Variants in CORO7 observed in about 807,000 individuals in gnomAD.
CORO7 encodes coronin-7.
A neutral mutation model predicts 126.6 loss-of-function variants in CORO7; 107 were observed. The observed-to-expected ratio is 0.85, with a 90% CI of 0.72 to 0.99. The LOEUF is 0.99. CORO7 is among the 50% of genes least tolerant of loss of function. CORO7 has a pLI of 0.00. For missense variants in CORO7, 1,314 were observed against 1,255.8 expected (o/e 1.05, Z -0.70); for synonymous variants, 603 against 536.8 (o/e 1.12, Z -1.70).
chr16:4,359,549 C>G lies in CORO7; in HGVS notation c.2181G>C (p.Leu727=). The change falls in exon 22 of 28, where the codon CTG becomes CTC. Residue 727 remains leucine (L), a synonymous_variant. Transcript: ENST00000251166. ...GCAGCAGGGTTGAGGGAGCCACGTC[C>G]AGGCCCAACACTGCCAAGGGTCCGC... The part of the protein sequence containing the change: ...LAGGPLAVLG[L]DVAPSTLLPS... 6.2e-7 allele frequency: 1 copy of G among 1,613,280 alleles called. No homozygotes were observed. The highest frequency in any genetic ancestry group is 2.2e-5 in the East Asian group (1 of 44,880).
chr16:4,381,832 A>G (rs749416977), intron 9 of CORO7: 3 of 1,601,312 alleles, frequency 1.9e-6, no homozygotes, highest in Admixed American at 1.7e-5. Flanking sequence ...GAGCCACGTC[A>G]CACTGGCCAG....
In CORO7 at chr16:4,388,065, G is replaced by A. The variant is rs150184406; in HGVS notation, c.706C>T (p.Arg236Cys). The A allele has an allele frequency of 2.5e-5, 40 of 1,611,958 alleles. No homozygotes were observed. The highest frequency in any genetic ancestry group is 3.1e-5 in the Non-Finnish European group (37 of 1,179,462). Residue 236 changes from arginine to cysteine, a missense_variant, in exon 9 of 28, where the codon CGT becomes TGT. By Grantham distance (180) the Arg-to-Cys change is radical (BLOSUM62 -3). Coordinates refer to ENST00000251166, the MANE Select transcript of CORO7 (RefSeq NM_024535.5). The stretch of plus-strand genomic sequence containing the variant: ...TCCCACAGCTTCACTTCGCGCTCAC[G>A]CATCTGCAGGGAGGGCGAGAGAGGG... ...HLVSTGFNQM[R>C]EREVKLWDTR...
At position 4,362,600 on chromosome 16, in the gene CORO7, C is replaced by T; in HGVS notation, c.1402+12G>A. ...CTGCGGTAGGGGTGAGCTCCCCGTCCTGCCTCCTTACCCAGCAGGCTCTGC... is the reference window on the plus strand; with the variant it reads ...CTGCGGTAGGGGTGAGCTCCCCGTCTTGCCTCCTTACCCAGCAGGCTCTGC... On this transcript the variant is annotated intron_variant, in intron 15 of 27. Coordinates refer to ENST00000251166, the MANE Select transcript of CORO7 (RefSeq NM_024535.5). This position sits in a 1 kb window ranked among gnomAD's most constrained non-coding sequence, Gnocchi z 5.3. 1 of 1,550,568 alleles carries T rather than the reference C, an allele frequency of 6.4e-7. No individual in the cohort carries two copies. The highest frequency in any genetic ancestry group is 1.2e-5 in the South Asian group (1 of 82,548).
chr16:4,387,861 C>G, intron 9 of CORO7, 125 bp downstream of exon 9: 1 of 1,246,248 alleles, frequency 8.0e-7, no homozygotes, highest in Non-Finnish European at 1.1e-6. Context: ...CCTTGCAGCC[C>G]AGATCAGGTA....
intron 9 of CORO7, among the ~76,000 whole-genome samples, chr16:4,378,189 A>G (rs1484155475): frequency 6.6e-6 from 1 of 152,188 alleles, no homozygotes; most frequent in Non-Finnish European, 1.5e-5. Context: ...AGTGTCCCAG[A>G]TACTCAGATG....
At chr16:4,372,854 G>C (rs1327244919) in intron 9 of CORO7, among the ~76,000 whole-genome samples, 2 of 152,164 alleles carry the variant, frequency 1.3e-5, no homozygotes, top group African/African-American at 4.8e-5. Context: ...GAGGTCCTGG[G>C]GGTCTAGGTG....
intron 7 of CORO7, among the ~76,000 whole-genome samples, chr16:4,391,724 C>T (rs1002432746): frequency 5.3e-5 from 8 of 152,232 alleles, no homozygotes; most frequent in Middle Eastern, 3.2e-3. Context: ...GAGCGAGACC[C>T]GTTTGCCAGC....
chr16:4,379,113 G>A (rs1316489631), intron 9 of CORO7, among the ~76,000 whole-genome samples: 1 of 152,014 alleles, frequency 6.6e-6, no homozygotes, highest in Non-Finnish European at 1.5e-5. Context: ...GAGCCCTATG[G>A]ACGGGTCCCC....
At position 4,381,644 on chromosome 16, in the gene CORO7, G is replaced by A. The variant is rs200864274; in HGVS notation, c.785+6342C>T. On this transcript the variant is annotated intron_variant, in intron 9 of 27. Coordinates refer to ENST00000251166, the MANE Select transcript of CORO7 (RefSeq NM_024535.5). ...GGCAACACCCGCATTGCCCAGCTGCGGCCCGAGGACCTGGCCGGCCTGGCT... is the reference window on the plus strand; with the variant it reads ...GGCAACACCCGCATTGCCCAGCTGCAGCCCGAGGACCTGGCCGGCCTGGCT... 152 of 1,600,788 alleles carry A rather than the reference G, an allele frequency of 9.5e-5. No homozygotes were observed. In the African/African-American group the frequency reaches 1.3e-3, roughly 14 times the overall value.
chr16:4,380,734 G>A lies in CORO7; in HGVS notation c.785+7252C>T, dbSNP rs546954544. The A allele has an allele frequency of 1.2e-3, 1,228 of 1,025,026 alleles. 2 individuals are homozygous for A. The highest frequency in any genetic ancestry group is 1.5e-3 in the Non-Finnish European group (1,129 of 730,286). The allele number at this position is 1,025,026 out of a possible 1,614,324, so 63.5% of individuals were successfully genotyped here. A position where few individuals can be genotyped will look rare whatever the true frequency, so the allele number is the denominator to read the frequency against. ...ACAGAACCTGGGTCGGGGCACTGGC[G>A]ACCTGACTCATAACCATTGGGTTCT... On this transcript the variant is annotated intron_variant, in intron 9 of 27. Transcript: ENST00000251166.
rs150177992 is a variant in CORO7 at position 4,409,161 on chromosome 16, T to A, written c.233-910A>T. On this transcript the variant is annotated intron_variant, in intron 3 of 27. Transcript: ENST00000251166. ...CAGAGCTGGGAGCACAGCGACCACC[T>A]GCTGCTGTCTGCCTCCCAACAGGGC... Among the ~76,000 whole-genome samples, 992 of 152,212 alleles carry A rather than the reference T, an allele frequency of 6.5e-3. 8 individuals are homozygous for A. Among genetic ancestry groups the A allele is most frequent in the Middle Eastern group, 0.017 (5 of 294 alleles).
chr16:4,388,079 G>C lies in CORO7; in HGVS notation c.703-11C>G, dbSNP rs1005152982. On this transcript the variant is annotated splice_polypyrimidine_tract_variant and intron_variant, in intron 8 of 27. Coordinates refer to ENST00000251166, the MANE Select transcript of CORO7 (RefSeq NM_024535.5). The stretch of plus-strand genomic sequence containing the variant: ...TTCGCGCTCACGCATCTGCAGGGAG[G>C]GCGAGAGAGGGGCTCAGAGGGGCCT... 6.2e-6 allele frequency: 10 copies of C among 1,608,532 alleles called. No individual in the cohort carries two copies. Among genetic ancestry groups the C allele is most frequent in the Non-Finnish European group, 8.5e-6 (10 of 1,178,030 alleles).
intron 3 of CORO7, among the ~76,000 whole-genome samples, chr16:4,409,657 C>T (rs2056130315): frequency 6.6e-6 from 1 of 152,244 alleles, no homozygotes; most frequent in Non-Finnish European, 1.5e-5. Flanking sequence ...ACCTGTGCTG[C>T]TCAGCATGAC....
chr16:4,408,181 C>CGTCCTGTCAGCCAGTTG lies in CORO7; in HGVS notation c.302_303insCAACTGGCTGACAGGAC (p.Val102AsnfsTer7), dbSNP rs771611037. ...AGCTCTTCCAACTGGCTCCACTCAC[C>CGTCCTGTCAGCCAGTTG]GTCCTGTCAGCCGAGCCTGTGGCCA... On this transcript the variant is annotated frameshift_variant and splice_region_variant, in exon 4 of 28. Coordinates refer to ENST00000251166, the MANE Select transcript of CORO7 (RefSeq NM_024535.5). LOFTEE classifies it high-confidence loss of function. 2.5e-6 allele frequency: 4 copies of CGTCCTGTCAGCCAGTTG among 1,614,000 alleles called. No individual in the cohort carries two copies. The East Asian group carries it at 8.9e-5, about 36-fold the overall frequency.
chr16:4,365,508 G>A lies in CORO7; in HGVS notation c.823C>T (p.Leu275=). 6.3e-7 allele frequency: 1 copy of A among 1,577,678 alleles called. No individual in the cohort carries two copies. The highest frequency in any genetic ancestry group is 8.6e-7 in the Non-Finnish European group (1 of 1,162,096). The part of the protein sequence containing the change: ...VPLLDPDSGL[L]VLAGKGERQL... ...TCACTCACCTTTCCTGCCAGGACCA[G>A]GAGCCCAGAGTCAGGGTCCAGCAGA... Residue 275 remains leucine (L), a synonymous_variant, in exon 10 of 28, where the codon CTG becomes TTG. Transcript: ENST00000251166.
chr16:4,372,385 C>T (rs886861), intron 9 of CORO7, among the ~76,000 whole-genome samples: 4,688 of 152,332 alleles, frequency 0.031, 226 homozygotes, highest in African/African-American at 0.11. Context: ...TCCTGGGGTC[C>T]GGCAGTAGGT....
intron 7 of CORO7, among the ~76,000 whole-genome samples, chr16:4,388,832 C>T (rs1038165250): frequency 4.6e-5 from 7 of 152,202 alleles, no homozygotes; most frequent in African/African-American, 1.2e-4. Context: ...GCCCCGCCTC[C>T]GCCCCAGTTG....
In CORO7 at chr16:4,358,110, AG is replaced by A; in HGVS notation, c.2458-8del. The A allele has an allele frequency of 1.2e-6, 2 of 1,609,896 alleles. No homozygotes were observed. Among genetic ancestry groups the A allele is most frequent in the East Asian group, 4.5e-5 (2 of 44,744 alleles). On this transcript the variant is annotated splice_polypyrimidine_tract_variant and splice_region_variant and intron_variant, in intron 24 of 27. Coordinates refer to ENST00000251166, the MANE Select transcript of CORO7 (RefSeq NM_024535.5). ...CATCCTGGAAGAACTCTTTCTGCAG[AG>A]GGAGAAACGGGCTGTCCTGAGACAT...
In CORO7 at chr16:4,405,351, G is replaced by C; in HGVS notation, c.564+140C>G. On this transcript the variant is annotated intron_variant, in intron 6 of 27. Transcript: ENST00000251166. ...AGCGGGGGTGTGAGGAGCAGCTAGGGGGCAGGGCACACAGATGACCATCCT... is the reference window on the plus strand; with the variant it reads ...AGCGGGGGTGTGAGGAGCAGCTAGGCGGCAGGGCACACAGATGACCATCCT... 4 of 882,758 alleles carry C rather than the reference G, an allele frequency of 4.5e-6. No homozygotes were observed. The South Asian group carries it at 7.1e-5, about 16-fold the overall frequency. 54.7% of individuals were successfully genotyped at this position (882,758 alleles called of 1,614,324 possible).
Sources: gnomAD v4.1 joint callset for allele counts (sites outside exome capture counted in the v4.1 genomes callset) on GRCh38, gnomAD v4.1.1 for gene constraint, Gnocchi (gnomAD v3.1) non-coding constraint, MANE v1.5 for transcripts, NCBI Gene and HGNC (gene_info 2026-07-23, HGNC 2026-07-21) for gene names.